TMEFF2: variants seen among roughly 807,000 people sequenced by gnomAD.
TMEFF2 encodes tomoregulin-2.
In TMEFF2, 28 loss-of-function variants were observed where a neutral mutation model predicts 53.8. The observed-to-expected ratio is 0.52, with a 90% confidence interval of 0.39 to 0.71. The LOEUF (loss-of-function observed/expected upper bound fraction) is 0.71. TMEFF2 is among the 30% of genes least tolerant of loss of function. The pLI, the probability that TMEFF2 is intolerant of heterozygous loss-of-function variation, is 0.00. For synonymous variants in TMEFF2, 162 were observed against 166.3 expected, an observed-to-expected ratio of 0.97 and a Z score of 0.20; for missense variants, 353 against 455.2, an observed-to-expected ratio of 0.78 and a Z score of 2.04.
chr2:192,158,599 C>T (rs1327042471), intron 4 of TMEFF2, among the ~76,000 whole-genome samples: 5 of 152,006 alleles, frequency 3.3e-5, no homozygotes, highest in Non-Finnish European at 7.4e-5. Flanking sequence ...TTAGCATTTC[C>T]CCTATGTTTT....
intron 4 of TMEFF2, among the ~76,000 whole-genome samples, chr2:192,092,656 T>A (rs892667076): frequency 5.9e-5 from 9 of 152,088 alleles, no homozygotes; most frequent in African/African-American, 2.2e-4. Context: ...GTAAGGACTT[T>A]GAGATGGGAA....
chr2:192,063,944 GT>G (rs1013495944), intron 4 of TMEFF2, among the ~76,000 whole-genome samples: 7 of 151,074 alleles, frequency 4.6e-5, no homozygotes, highest in Non-Finnish European at 8.9e-5. Flanking sequence ...TTTAAAATGT[GT>G]TTCTTTTAAA....
At position 192,056,791 on chromosome 2, in the gene TMEFF2, G is replaced by A. The variant is rs191301629; in HGVS notation, c.536+888C>T. On this transcript the variant is annotated intron_variant, in intron 5 of 9. Coordinates refer to ENST00000272771, the MANE Select transcript of TMEFF2 (RefSeq NM_016192.4). ...TTATGGGGGTGAAGCCTTCATGAATGGGATTAGTGCCCTTATAAAACAGGC... is the reference window on the plus strand; with the variant it reads ...TTATGGGGGTGAAGCCTTCATGAATAGGATTAGTGCCCTTATAAAACAGGC... 9.2e-5 allele frequency among the ~76,000 whole-genome samples: 14 copies of A among 152,156 alleles called. No individual in the cohort carries two copies. The East Asian group carries it at 2.7e-3, about 29-fold the overall frequency.
chr2:192,060,685 T>A (rs1688023067), intron 4 of TMEFF2, among the ~76,000 whole-genome samples: 1 of 152,188 alleles, frequency 6.6e-6, no homozygotes, highest in South Asian at 2.1e-4. Context: ...TAAATTGGAC[T>A]GTTGCTTCTT....
At chr2:192,157,222 A>G (rs1472253037) in intron 4 of TMEFF2, among the ~76,000 whole-genome samples, 1 of 152,082 alleles carries the variant, frequency 6.6e-6, no homozygotes, top group African/African-American at 2.4e-5. Flanking sequence ...TGACTGAGGT[A>G]AAGTGGCAAC....
At chr2:192,078,931 G>A (rs1441065554) in intron 4 of TMEFF2, among the ~76,000 whole-genome samples, 1 of 152,102 alleles carries the variant, frequency 6.6e-6, no homozygotes, top group East Asian at 1.9e-4. Flanking sequence ...GGATATATAT[G>A]CATATTGTGC....
intron 7 of TMEFF2, among the ~76,000 whole-genome samples, chr2:191,987,575 T>C (rs1442563974): frequency 6.6e-6 from 1 of 152,062 alleles, no homozygotes; most frequent in African/African-American, 2.4e-5. Flanking sequence ...CCCAGCTAAT[T>C]TTCGTGCTTT....
At chr2:192,051,363 T>C (rs1185420621) in intron 5 of TMEFF2, among the ~76,000 whole-genome samples, 3 of 152,084 alleles carry the variant, frequency 2.0e-5, no homozygotes, top group Non-Finnish European at 4.4e-5. Flanking sequence ...AGAAACTGAA[T>C]GAACTCTTAG....
At chr2:192,033,665 C>T (rs1687202708) in intron 5 of TMEFF2, among the ~76,000 whole-genome samples, 1 of 151,908 alleles carries the variant, frequency 6.6e-6, no homozygotes. Flanking sequence ...TAAATATGAC[C>T]AGGAGGACTG....
chr2:192,096,891 G>T (rs542133914), intron 4 of TMEFF2, among the ~76,000 whole-genome samples: 5 of 151,474 alleles, frequency 3.3e-5, no homozygotes, highest in Admixed American at 3.3e-4. Context: ...GGCCAGGTTG[G>T]TCTCAAACTC....
Position 191,950,020 on chromosome 2 carries a change from T to C in TMEFF2, c.*291A>G. 8.0e-6 allele frequency: 9 copies of C among 1,119,994 alleles called. No individual in the cohort carries two copies. The highest frequency in any genetic ancestry group is 9.9e-6 in the Non-Finnish European group (9 of 909,990). 69.4% of individuals were successfully genotyped at this position (1,119,994 alleles called of 1,614,324 possible). ...ACCGCAAATTTAAGAATGCCAATTT[T>C]TTCTCATCACTGAGTATTTATTATA... On this transcript the variant is annotated 3_prime_UTR_variant, in exon 10 of 10. Coordinates refer to ENST00000272771, the MANE Select transcript of TMEFF2 (RefSeq NM_016192.4).
At chr2:191,999,028 T>G in intron 6 of TMEFF2, 32 bp downstream of exon 6, 1 of 1,569,666 alleles carries the variant, frequency 6.4e-7, no homozygotes, top group South Asian at 1.2e-5. Flanking sequence ...ACTAAAATCA[T>G]TCTTTGAAAT....
intron 5 of TMEFF2, among the ~76,000 whole-genome samples, chr2:192,002,013 T>C (rs990125212): frequency 7.9e-6 from 1 of 126,316 alleles, no homozygotes; most frequent in African/African-American, 4.2e-5. Flanking sequence ...CCAATTGGTG[T>C]ATTTATTTAT....
chr2:192,132,965 A>G (rs1341061845), intron 4 of TMEFF2, among the ~76,000 whole-genome samples: 2 of 152,292 alleles, frequency 1.3e-5, no homozygotes, highest in East Asian at 3.9e-4. Context: ...CACAGTGGAA[A>G]GTAAGTCCGT....
At chr2:192,107,957 T>C (rs538425075) in intron 4 of TMEFF2, among the ~76,000 whole-genome samples, 6 of 151,864 alleles carry the variant, frequency 4.0e-5, no homozygotes, top group African/African-American at 1.2e-4. Flanking sequence ...AACTGTTTTT[T>C]TTTTTAGAAA....
intron 4 of TMEFF2, among the ~76,000 whole-genome samples, chr2:192,103,086 A>C (rs932014754): frequency 2.0e-5 from 3 of 152,120 alleles, no homozygotes; most frequent in African/African-American, 7.2e-5. Flanking sequence ...CTGCCCAGAC[A>C]CTCAGAAATT....
intron 5 of TMEFF2, among the ~76,000 whole-genome samples, chr2:192,003,617 T>C (rs1686419437): frequency 6.6e-6 from 1 of 152,230 alleles, no homozygotes; most frequent in South Asian, 2.1e-4. Flanking sequence ...AATTAGTAAC[T>C]AATTTTATGG....
chr2:192,055,646 G>A (rs371354133), intron 5 of TMEFF2, among the ~76,000 whole-genome samples: 10 of 151,698 alleles, frequency 6.6e-5, no homozygotes, highest in Admixed American at 2.0e-4. Flanking sequence ...ATGGTGGTGC[G>A]CACCTGTAAT....
At chr2:192,157,870 C>T (rs1333131957) in intron 4 of TMEFF2, among the ~76,000 whole-genome samples, 1 of 152,018 alleles carries the variant, frequency 6.6e-6, no homozygotes, top group African/African-American at 2.4e-5. Flanking sequence ...CTAGTCATGC[C>T]AAACCATCTG....
Sources: allele counts gnomAD v4.1 joint callset (sites outside exome capture counted in the v4.1 genomes callset), GRCh38; gene constraint gnomAD v4.1.1; transcripts MANE v1.5; gene names NCBI Gene and HGNC (gene_info 2026-07-23, HGNC 2026-07-21).